NDUFAF6: variants seen among roughly 807,000 people sequenced by gnomAD.
NDUFAF6 encodes NADH:ubiquinone oxidoreductase complex assembly factor 6.
NDUFAF6 carries 45 observed loss-of-function variants against 40.8 expected under a neutral mutation model. The observed-to-expected ratio is 1.10, with a 90% confidence interval of 0.87 to 1.42. NDUFAF6 has a LOEUF of 1.42. Ranked by LOEUF, NDUFAF6 falls within the 40% of genes most tolerant of loss-of-function variation. The pLI is 0.00. For synonymous variants in NDUFAF6, 185 were observed against 155.9 expected (o/e 1.19, Z -1.39); for missense variants, 435 against 418.5 (o/e 1.04, Z -0.34).
At chr8:95,021,126 T>C (rs1827676442), upstream of NDUFAF6, among the ~76,000 whole-genome samples, 1 of 152,184 alleles carries the variant, frequency 6.6e-6, no homozygotes, top group Non-Finnish European at 1.5e-5. Context: ...TTTGAAGTGA[T>C]CCAGACAAGC....
chr8:95,020,396 TC>T (rs1312593828), upstream of NDUFAF6, among the ~76,000 whole-genome samples: 3 of 152,214 alleles, frequency 2.0e-5, no homozygotes, highest in Non-Finnish European at 4.4e-5. Context: ...ATTCTGCCCT[TC>T]TTAAACTTGC....
At chr8:94,928,046 A>C (rs980490407) in intron 1 of NDUFAF6, 3 of 152,318 alleles carry the variant, frequency 2.0e-5, no homozygotes, top group Non-Finnish European at 2.9e-5. Context: ...CAAGAGTTTC[A>C]ACTGAATTAT....
At chr8:94,910,596 A>G (rs1379499537) in intron 1 of NDUFAF6, among the ~76,000 whole-genome samples, 14 of 152,200 alleles carry the variant, frequency 9.2e-5, no homozygotes, top group Admixed American at 9.2e-4. Context: ...CCTTCTGTCC[A>G]GTGGGAATGA....
At chr8:95,005,013 G>A (rs781067984) in intron 2 of NDUFAF6, among the ~76,000 whole-genome samples, 2 of 152,314 alleles carry the variant, frequency 1.3e-5, no homozygotes, top group Admixed American at 6.5e-5. Context: ...AGTAATTAAA[G>A]TCGGTAATAA....
intron 1 of NDUFAF6, among the ~76,000 whole-genome samples, chr8:94,936,251 G>A (rs944889105): frequency 6.6e-5 from 10 of 152,182 alleles, no homozygotes; most frequent in Non-Finnish European, 1.0e-4. Context: ...CTAATTAGGA[G>A]GGCAGTGCCC....
At chr8:94,941,483 T>C (rs1821526798) in intron 1 of NDUFAF6, among the ~76,000 whole-genome samples, 1 of 152,224 alleles carries the variant, frequency 6.6e-6, no homozygotes, top group African/African-American at 2.4e-5. Context: ...TGACCACCAT[T>C]ATGCCAGGCC....
At chr8:94,977,354 A>T (rs545459437) in intron 1 of NDUFAF6, among the ~76,000 whole-genome samples, 27 of 151,602 alleles carry the variant, frequency 1.8e-4, no homozygotes, top group Admixed American at 7.9e-4. Context: ...CTTACAAAAA[A>T]TTTTTTTTAA....
Position 95,047,420 on chromosome 8 carries a change from C to T in NDUFAF6, c.714+293C>T, listed in dbSNP as rs188728180. Among the ~76,000 whole-genome samples the T allele has an allele frequency of 1.1e-4, 17 of 151,940 alleles. No homozygotes were observed. The East Asian group carries it at 1.5e-3, about 14-fold the overall frequency. On this transcript the variant is annotated intron_variant, in intron 6 of 8. Coordinates refer to ENST00000396124, the MANE Select transcript of NDUFAF6 (RefSeq NM_152416.4). ...AAACAACTGCAGTAATTATTCCTAG[C>T]GTTCACCTTAGCCTGTTCTTTATTT...
intron 1 of NDUFAF6, among the ~76,000 whole-genome samples, chr8:94,899,083 G>A: frequency 6.6e-6 from 1 of 152,130 alleles, no homozygotes; most frequent in Non-Finnish European, 1.5e-5. Flanking sequence ...TATTTTAGTA[G>A]AGACAAGGTT....
At chr8:94,997,289 GAC>G (rs57953301) in intron 2 of NDUFAF6, among the ~76,000 whole-genome samples, 9,896 of 94,136 alleles carry the variant, frequency 0.11, 410 homozygotes, top group Non-Finnish European at 0.13. Context: ...CAAGAAGAAA[GAC>G]ACACACACAC....
chr8:95,022,058 A>G (rs1371304360), upstream of NDUFAF6, among the ~76,000 whole-genome samples: 1 of 152,194 alleles, frequency 6.6e-6, no homozygotes, highest in Non-Finnish European at 1.5e-5. Context: ...TGGTTCATCT[A>G]AAAAGTATTT....
intron 2 of NDUFAF6, among the ~76,000 whole-genome samples, chr8:94,991,576 T>C (rs1826193474): frequency 6.6e-6 from 1 of 152,216 alleles, no homozygotes; most frequent in Admixed American, 6.5e-5. Flanking sequence ...TCTAGAATAA[T>C]CCCATACCTG....
chr8:95,052,536 C>T (rs942553150), intron 8 of NDUFAF6, among the ~76,000 whole-genome samples: 2 of 152,208 alleles, frequency 1.3e-5, no homozygotes, highest in South Asian at 2.1e-4. Context: ...TCAGTTTACT[C>T]TTAGGTGAAA....
At chr8:94,904,183 G>T (rs1453408107) in intron 1 of NDUFAF6, among the ~76,000 whole-genome samples, 1 of 150,634 alleles carries the variant, frequency 6.6e-6, no homozygotes, top group Admixed American at 6.6e-5. Context: ...TCACTTTGTC[G>T]CCCAGGCTGG....
intron 2 of NDUFAF6, among the ~76,000 whole-genome samples, chr8:94,987,144 A>G (rs1825953732): frequency 6.6e-6 from 1 of 152,132 alleles, no homozygotes; most frequent in Non-Finnish European, 1.5e-5. Context: ...TATCATTCCC[A>G]TGTCTTTCTT....
chr8:94,906,256 C>T (rs1818384964), intron 1 of NDUFAF6, among the ~76,000 whole-genome samples: 1 of 152,164 alleles, frequency 6.6e-6, no homozygotes, highest in Non-Finnish European at 1.5e-5. Context: ...ATGACCACTG[C>T]TCCAGCTGAA....
chr8:94,896,179 C>G (rs968173773), intron 1 of NDUFAF6, among the ~76,000 whole-genome samples: 1 of 151,736 alleles, frequency 6.6e-6, no homozygotes, highest in African/African-American at 2.4e-5. Flanking sequence ...ATTCCTCCTC[C>G]CCCTGAGCGC....
intron 1 of NDUFAF6, chr8:94,929,563 T>C (rs1243688546): frequency 1.3e-5 from 2 of 152,144 alleles, no homozygotes; most frequent in Admixed American, 6.5e-5. Flanking sequence ...TGTGGAAATA[T>C]AAAGCCTATC....
intron 2 of NDUFAF6, among the ~76,000 whole-genome samples, chr8:95,018,107 C>G (rs559232377): frequency 6.6e-6 from 1 of 151,934 alleles, no homozygotes; most frequent in Non-Finnish European, 1.5e-5. Context: ...GTGCAGTGAT[C>G]GTGGCTCATT....
Sources: allele counts gnomAD v4.1 joint callset (sites outside exome capture counted in the v4.1 genomes callset), GRCh38; gene constraint gnomAD v4.1.1; transcripts MANE v1.5; gene names NCBI Gene and HGNC (gene_info 2026-07-23, HGNC 2026-07-21).